Variants in CA6 observed in about 807,000 individuals in gnomAD.
CA6 encodes the protein carbonic anhydrase 6, also known as carbonate dehydratase VI.
Under a neutral mutation model 35.9 loss-of-function variants are expected in CA6, and 28 were observed. The observed-to-expected ratio is 0.78, with a 90% CI of 0.58 to 1.07. CA6 has a LOEUF of 1.07. Among genes scored for constraint, CA6 ranks in the 50% least tolerant of loss-of-function variants. The pLI is 0.00. For missense variants in CA6, 377 were observed against 382.0 expected (o/e 0.99, Z 0.11); for synonymous variants, 148 against 152.6 (o/e 0.97, Z 0.22).
intron 2 of CA6, among the ~76,000 whole-genome samples, chr1:8,953,383 G>T (rs1188483949): frequency 6.6e-6 from 1 of 152,144 alleles, no homozygotes; most frequent in Non-Finnish European, 1.5e-5. Context: ...CAGCACTTTG[G>T]GAGGCCAAGG....
At chr1:8,959,680 C>T (rs986327567) in intron 4 of CA6, among the ~76,000 whole-genome samples, 25 of 151,872 alleles carry the variant, frequency 1.6e-4, no homozygotes, top group Non-Finnish European at 2.8e-4. Context: ...ATCTGTAATC[C>T]TAGCACTTTG....
intron 7 of CA6, among the ~76,000 whole-genome samples, chr1:8,973,404 T>C (rs1359423917): frequency 6.6e-6 from 1 of 152,234 alleles, no homozygotes; most frequent in African/African-American, 2.4e-5. Flanking sequence ...ACTAACAGAC[T>C]GCGTATCGTT....
In CA6 at chr1:8,963,301, T is replaced by C. The variant is rs1318159396; in HGVS notation, c.571+645T>C. On this transcript the variant is annotated intron_variant, in intron 5 of 7. Coordinates refer to ENST00000377443, the MANE Select transcript of CA6 (RefSeq NM_001215.4). The surrounding 1 kb of genome is among the most constrained non-coding windows in gnomAD (Gnocchi z 4.1). The stretch of plus-strand genomic sequence containing the variant: ...CCTGGGGCTTCCACATTCTTGCTCC[T>C]AGTGACGCCTGTGTCCTTTCATCTC... Among the ~76,000 whole-genome samples, 3 of 152,124 alleles carry C rather than the reference T, an allele frequency of 2.0e-5. No individual in the cohort carries two copies. Among genetic ancestry groups the C allele is most frequent in the Non-Finnish European group, 2.9e-5 (2 of 68,016 alleles).
chr1:8,946,907 G>A (rs1557617211), intron 1 of CA6, among the ~76,000 whole-genome samples: 1 of 149,352 alleles, frequency 6.7e-6, no homozygotes, highest in Non-Finnish European at 1.5e-5. Flanking sequence ...GGTTTCAAGC[G>A]ATTCTCATGT....
At position 8,949,253 on chromosome 1, in the gene CA6, C is replaced by G; in HGVS notation, c.80-10C>G. 1 of 1,582,308 alleles carries G rather than the reference C, an allele frequency of 6.3e-7. No homozygotes were observed. The highest frequency in any genetic ancestry group is 8.6e-7 in the Non-Finnish European group (1 of 1,164,568). On this transcript the variant is annotated splice_polypyrimidine_tract_variant and intron_variant, in intron 1 of 7. Transcript: ENST00000377443. ...AGGCAGCCCCTTGAACTGTGTCTTT[C>G]CTGTCTTAGAAGGGGCACTGGACGA...
chr1:8,947,641 C>T (rs1639403316), intron 1 of CA6, among the ~76,000 whole-genome samples: 1 of 152,240 alleles, frequency 6.6e-6, no homozygotes, highest in South Asian at 2.1e-4. Context: ...TCTGCCCAGC[C>T]TCTGAGACAG....
In CA6 at chr1:8,945,916, G is replaced by A. The variant is rs34649225; in HGVS notation, c.30G>A (p.Leu10=). The A allele has an allele frequency of 8.3e-3, 13,356 of 1,613,772 alleles. 929 individuals carry two copies. The African/African-American group carries it at 0.15, about 18-fold the overall frequency. Residue 10 remains leucine (L), a synonymous_variant, in exon 1 of 8, where the codon CTG becomes CTA. Transcript: ENST00000377443. ...GGGCCCTGGTGCTTCTGCTGTCCCT[G>A]TTCCTGCTGGGTGGCCAGGCCCAGC... MRALVLLLS[L]FLLGGQAQHV...
intron 2 of CA6, among the ~76,000 whole-genome samples, chr1:8,953,933 C>G (rs11121278): frequency 0.14 from 21,046 of 152,124 alleles, 1,472 homozygotes; most frequent in South Asian, 0.17. Context: ...CTACCAAAAT[C>G]AAGATGGCCA....
chr1:8,958,834 T>C, intron 3 of CA6, 76 bp from the exon 4 acceptor site: 1 of 824,636 alleles, frequency 1.2e-6, no homozygotes, highest in Non-Finnish European at 2.0e-6. Flanking sequence ...TTTCTTTCTC[T>C]TCCTCCTTCC....
At chr1:8,974,471 G>A in intron 7 of CA6, 151 bp from the exon 8 acceptor site, 1 of 1,501,564 alleles carries the variant, frequency 6.7e-7, no homozygotes, top group South Asian at 1.3e-5. Flanking sequence ...GATGACTAAA[G>A]GCAATGCACC....
rs896142806 is a variant in CA6, at chr1:8,955,851, G to A, written c.260-1286G>A. ...CAATTTGGAAAGAAAGAGGGGGCAC[G>A]TGACAGGTTTTAAATACCTCATATT... On this transcript the variant is annotated intron_variant, in intron 2 of 7. Coordinates refer to ENST00000377443, the MANE Select transcript of CA6 (RefSeq NM_001215.4). Among the ~76,000 whole-genome samples, 6 of 152,204 alleles carry A rather than the reference G, an allele frequency of 3.9e-5. No individual in the cohort carries two copies. In the East Asian group the frequency reaches 5.8e-4, roughly 15 times the overall value.
chr1:8,951,108 C>T (rs58038267), intron 2 of CA6, among the ~76,000 whole-genome samples: 4,979 of 151,640 alleles, frequency 0.033, 309 homozygotes, highest in African/African-American at 0.11. Context: ...CCCAGCTACT[C>T]GGGAGGCTGA....
chr1:8,955,843 G>C (rs929888623), intron 2 of CA6, among the ~76,000 whole-genome samples: 3 of 152,338 alleles, frequency 2.0e-5, no homozygotes, highest in East Asian at 3.9e-4. Context: ...GAAAGAAAGA[G>C]GGGGCACGTG....
intron 2 of CA6, among the ~76,000 whole-genome samples, chr1:8,952,887 C>T (rs917876139): frequency 2.0e-5 from 3 of 151,686 alleles, no homozygotes; most frequent in African/African-American, 7.3e-5. Context: ...AAACTCCTGA[C>T]CTCAAGTCAT....
chr1:8,972,607 C>T (rs574632479), intron 7 of CA6, among the ~76,000 whole-genome samples: 4 of 152,112 alleles, frequency 2.6e-5, no homozygotes, highest in Non-Finnish European at 4.4e-5. Flanking sequence ...GGCATGAACC[C>T]GGGAGGCGGA....
chr1:8,947,875 A>G (rs1639408541), intron 1 of CA6, among the ~76,000 whole-genome samples: 1 of 136,280 alleles, frequency 7.3e-6, no homozygotes, highest in East Asian at 2.0e-4. Context: ...TGAGAGTTTC[A>G]CTCTCGTTGC....
intron 2 of CA6, chr1:8,951,292 G>T: frequency 1.7e-6 from 1 of 581,174 alleles, no homozygotes; most frequent in Non-Finnish European, 3.1e-6. Context: ...ATTGGAGAAT[G>T]AAGCTCTGTC....
chr1:8,946,643 C>T (rs988133641), intron 1 of CA6, among the ~76,000 whole-genome samples: 2 of 151,928 alleles, frequency 1.3e-5, no homozygotes, highest in East Asian at 3.8e-4. Context: ...AAACAAAGTT[C>T]TTAGAAAAGA....
At chr1:8,946,442 T>C (rs997848766) in intron 1 of CA6, among the ~76,000 whole-genome samples, 1 of 152,082 alleles carries the variant, frequency 6.6e-6, no homozygotes, top group African/African-American at 2.4e-5. Flanking sequence ...TCTCAGAAGG[T>C]ATGGAGAATA....
Sources: allele counts gnomAD v4.1 joint callset (sites outside exome capture counted in the v4.1 genomes callset), GRCh38; gene constraint gnomAD v4.1.1; non-coding constraint Gnocchi (gnomAD v3.1); transcripts MANE v1.5; gene names NCBI Gene and HGNC (gene_info 2026-07-23, HGNC 2026-07-21).